Variants in ARHGEF16 observed in about 807,000 individuals in gnomAD.
ARHGEF16 encodes Rho guanine exchange factor (GEF) 16.
Under a neutral mutation model 74.1 loss-of-function variants are expected in ARHGEF16, and 59 were observed. The observed-to-expected ratio is 0.80, with a 90% CI of 0.65 to 0.99. ARHGEF16 has a LOEUF of 0.99. ARHGEF16 is among the 50% of genes least tolerant of loss of function. The pLI is 0.00. For synonymous variants in ARHGEF16, 415 were observed against 412.6 expected (o/e 1.01, Z -0.07); for missense variants, 948 against 986.6 (o/e 0.96, Z 0.52).
At chr1:3,455,997 C>A (rs1050886417) in intron 1 of ARHGEF16, among the ~76,000 whole-genome samples, 3 of 152,150 alleles carry the variant, frequency 2.0e-5, no homozygotes, top group African/African-American at 7.2e-5. Flanking sequence ...TGAAGGTAGG[C>A]ACTCCTCACC....
intron 1 of ARHGEF16, among the ~76,000 whole-genome samples, chr1:3,459,091 G>A (rs534315513): frequency 5.9e-5 from 9 of 152,322 alleles, no homozygotes; most frequent in South Asian, 2.1e-4. Context: ...AAGAGTGACC[G>A]CCTGGCAGGG....
At chr1:3,466,917 A>C (rs909565873) in intron 3 of ARHGEF16, 1 of 440,642 alleles carries the variant, frequency 2.3e-6, no homozygotes, top group East Asian at 3.7e-5. Context: ...GTCTCAGGGT[A>C]AGGCTGGTTG....
At chr1:3,457,567 G>A (rs567007759) in intron 1 of ARHGEF16, among the ~76,000 whole-genome samples, 18 of 152,076 alleles carry the variant, frequency 1.2e-4, no homozygotes, top group East Asian at 5.8e-4. Flanking sequence ...CCATCTCTCC[G>A]GAAGGATAAG....
At chr1:3,462,116 C>T (rs781277965) in intron 1 of ARHGEF16, among the ~76,000 whole-genome samples, 1 of 151,670 alleles carries the variant, frequency 6.6e-6, no homozygotes, top group Non-Finnish European at 1.5e-5. Context: ...GGGCAGCCCA[C>T]GGGGTGTGGG....
At chr1:3,459,238 C>A (rs1329160123) in intron 1 of ARHGEF16, among the ~76,000 whole-genome samples, 1 of 152,190 alleles carries the variant, frequency 6.6e-6, no homozygotes, top group Admixed American at 6.5e-5. Flanking sequence ...GCCAGAGCTC[C>A]CAGGCTCCAG....
At position 3,478,624 on chromosome 1, in the gene ARHGEF16, C is replaced by T. The variant is rs747989870; in HGVS notation, c.1814+12C>T. On this transcript the variant is annotated intron_variant, in intron 12 of 14. Coordinates refer to ENST00000378378, the MANE Select transcript of ARHGEF16 (RefSeq NM_014448.4). The stretch of plus-strand genomic sequence containing the variant: ...TCCTCGGACTCCGCGTAAGTGGGCT[C>T]CCGGGAGGGCTGTTCCCAGGCCACA... 1.3e-5 allele frequency: 21 copies of T among 1,594,738 alleles called. No individual in the cohort carries two copies. The highest frequency in any genetic ancestry group is 4.5e-5 in the South Asian group (4 of 89,044).
In ARHGEF16 at chr1:3,463,295, A is replaced by G. The variant is rs1376434374; in HGVS notation, c.211A>G (p.Ile71Val). The change falls in exon 2 of 15, where the codon ATC (isoleucine) becomes GTC (valine). Residue 71 changes from isoleucine to valine, a missense_variant. Ile to Val is a conservative substitution (Grantham distance 29). Transcript: ENST00000378378. ...CCCGGGGCACGAGGAGCCATGGCCC[A>G]TCGTCCTGAGCACAGAGAGCCCGGC... is the stretch of plus-strand genomic sequence containing the variant. ...RPPGHEEPWP[I>V]VLSTESPAAL... 4.5e-6 allele frequency: 7 copies of G among 1,550,128 alleles called. No individual in the cohort carries two copies. Among genetic ancestry groups the G allele is most frequent in the South Asian group, 3.6e-5 (3 of 84,058 alleles).
At chr1:3,469,027 C>A in intron 5 of ARHGEF16, 91 bp downstream of exon 5, 1 of 1,462,100 alleles carries the variant, frequency 6.8e-7, no homozygotes, top group Non-Finnish European at 9.4e-7. Context: ...CACCACCCAG[C>A]CATCCCTCTG....
chr1:3,462,544 G>A lies in ARHGEF16; in HGVS notation c.-19-522G>A, dbSNP rs531790782. Among the ~76,000 whole-genome samples, 10 of 152,276 alleles carry A rather than the reference G, an allele frequency of 6.6e-5. No homozygotes were observed. In the South Asian group the frequency reaches 2.1e-3, roughly 32 times the overall value. ...GGTCACTGCCGCTGTGGCTGATGCC[G>A]GCCTCAGGAAGCCCCCCAGTGCAAC... On this transcript the variant is annotated intron_variant, in intron 1 of 14. Coordinates refer to ENST00000378378, the MANE Select transcript of ARHGEF16 (RefSeq NM_014448.4).
chr1:3,479,759 G>A, intron 13 of ARHGEF16, 53 bp from the exon 14 acceptor site: 1 of 1,589,220 alleles, frequency 6.3e-7, no homozygotes, highest in Non-Finnish European at 8.6e-7. Flanking sequence ...GTTGGGGAGT[G>A]GAGCCTGGCC....
chr1:3,472,741 A>C, intron 6 of ARHGEF16: 23 of 220,104 alleles, frequency 1.0e-4, no homozygotes, highest in Non-Finnish European at 1.4e-4. Context: ...TGGACAGGGC[A>C]CCAGGACAGG....
At position 3,467,230 on chromosome 1, in the gene ARHGEF16, G is replaced by A. The variant is rs192361344; in HGVS notation, c.697G>A (p.Asp233Asn). The stretch of plus-strand genomic sequence containing the variant: ...GAACACCAGCCAGGAGTCTGATGAC[G>A]ACATCCTCGATGAGTCCTCCAGCCC... ...GLNTSQESDDDILDESSSPEG... is the reference protein window; with the variant it reads ...GLNTSQESDDNILDESSSPEG... Residue 233 changes from aspartate to asparagine, a missense_variant, in exon 4 of 15, where the codon GAC becomes AAC. Coordinates refer to ENST00000378378, the MANE Select transcript of ARHGEF16 (RefSeq NM_014448.4). The A allele has an allele frequency of 1.0e-5, 16 of 1,550,554 alleles. No homozygotes were observed. The Admixed American group carries it at 1.2e-4, about 11-fold the overall frequency.
In ARHGEF16 at chr1:3,478,422, A is replaced by T; in HGVS notation, c.1626-2A>T. On this transcript the variant is annotated splice_acceptor_variant, in intron 11 of 14. Transcript: ENST00000378378. LOFTEE classifies it high-confidence loss of function. ...TCCCACCGACTGCCCGTGTCTCCAC[A>T]GCGAGGAGAGCTACATGGTCCAGGA... The T allele has an allele frequency of 6.3e-7, 1 of 1,589,872 alleles. No homozygotes were observed. Among genetic ancestry groups the T allele is most frequent in the Non-Finnish European group, 8.6e-7 (1 of 1,163,566 alleles).
Position 3,466,177 on chromosome 1 carries a change from G to A in ARHGEF16, c.618G>A (p.Lys206=). Residue 206 remains lysine (K), a synonymous_variant, in exon 3 of 15, where the codon AAG becomes AAA. Transcript: ENST00000378378. ...KKTLGRKRGH[K]GSFKDDPQLY... ...CGCTGGGGAGGAAACGTGGGCACAA[G>A]GGTTCCTTCAAGGACGGTGAGTGTG... is the stretch of plus-strand genomic sequence containing the variant. The A allele has an allele frequency of 1.3e-6, 2 of 1,545,798 alleles. No individual in the cohort carries two copies. The highest frequency in any genetic ancestry group is 1.7e-6 in the Non-Finnish European group (2 of 1,144,918).
chr1:3,477,920 G>C lies in ARHGEF16; in HGVS notation c.1519G>C (p.Glu507Gln). Residue 507 changes from glutamate (E) to glutamine (Q), a missense_variant, in exon 11 of 15, where the codon GAG (glutamate) becomes CAG (glutamine). Physicochemically the swap from Glu to Gln is conservative, Grantham distance 29. Coordinates refer to ENST00000378378, the MANE Select transcript of ARHGEF16 (RefSeq NM_014448.4). ...CTCCCGGTGGCTGCTGAAGCGCGGA[G>C]AGCTGTTCTTAGTGGAAGAAACCGG... is the stretch of plus-strand genomic sequence containing the variant. ...SASRWLLKRG[E>Q]LFLVEETGLF... The C allele has an allele frequency of 6.2e-7, 1 of 1,612,692 alleles. No homozygotes were observed. The highest frequency in any genetic ancestry group is 8.5e-7 in the Non-Finnish European group (1 of 1,179,914).
intron 2 of ARHGEF16, among the ~76,000 whole-genome samples, chr1:3,464,972 C>T (rs1639501864): frequency 6.6e-6 from 1 of 152,232 alleles, no homozygotes; most frequent in Admixed American, 6.5e-5. Context: ...CCCATGTCCC[C>T]AGCACCAGCC....
At chr1:3,472,526 A>AC (rs995248344) in intron 6 of ARHGEF16, among the ~76,000 whole-genome samples, 3 of 152,170 alleles carry the variant, frequency 2.0e-5, no homozygotes, top group African/African-American at 7.2e-5. Flanking sequence ...TGGGAGCTTG[A>AC]CCAGCAGAGC....
At chr1:3,479,676 C>G (rs1399448666) in intron 13 of ARHGEF16, 86 bp downstream of exon 13, 1 of 1,569,662 alleles carries the variant, frequency 6.4e-7, no homozygotes, top group Non-Finnish European at 8.7e-7. Flanking sequence ...AGCCTGGCAC[C>G]TGGCCTTGTG....
intron 10 of ARHGEF16, among the ~76,000 whole-genome samples, chr1:3,477,385 A>G (rs1214350135): frequency 2.9e-4 from 2 of 7,008 alleles, no homozygotes; most frequent in African/African-American, 4.7e-4. Flanking sequence ...CACTGACTCC[A>G]GCAACTCAGC....
Sources: allele counts gnomAD v4.1 joint callset (sites outside exome capture counted in the v4.1 genomes callset), GRCh38; gene constraint gnomAD v4.1.1; transcripts MANE v1.5; gene names NCBI Gene and HGNC (gene_info 2026-07-23, HGNC 2026-07-21).